USP45: variants seen among roughly 807,000 people sequenced by gnomAD.
USP45 encodes the protein ubiquitin carboxyl-terminal hydrolase 45.
USP45 carries 89 observed loss-of-function variants against 95.8 expected under a neutral mutation model. That is an observed-to-expected ratio of 0.93 (90% CI 0.78 to 1.11). The LOEUF (loss-of-function observed/expected upper bound fraction) is 1.11, where lower values mean the gene tolerates loss of function less well. Ranked by LOEUF, USP45 falls within the 50% of genes least tolerant of loss-of-function variation. The pLI is 0.00. For missense variants in USP45, 898 were observed against 942.5 expected (o/e 0.95, Z 0.62); for synonymous variants, 281 against 316.2 (o/e 0.89, Z 1.18).
At chr6:99,487,178 G>A (rs968234006) in intron 7 of USP45, among the ~76,000 whole-genome samples, 9 of 152,182 alleles carry the variant, frequency 5.9e-5, no homozygotes, top group African/African-American at 1.9e-4. Context: ...GGCAGTTGGT[G>A]GGGGAGACTA....
At chr6:99,503,388 A>G (rs1797814872) in intron 5 of USP45, among the ~76,000 whole-genome samples, 1 of 150,080 alleles carries the variant, frequency 6.7e-6, no homozygotes. Context: ...GTGCAGTGGC[A>G]TGTTCTTGGC....
chr6:99,494,975 A>G (rs1171710389), intron 5 of USP45, among the ~76,000 whole-genome samples: 1 of 152,196 alleles, frequency 6.6e-6, no homozygotes, highest in African/African-American at 2.4e-5. Flanking sequence ...TTTTAGGTGA[A>G]TATCTTTAGA....
At chr6:99,465,681 A>G (rs1327035360) in intron 11 of USP45, among the ~76,000 whole-genome samples, 1 of 152,170 alleles carries the variant, frequency 6.6e-6, no homozygotes, top group Non-Finnish European at 1.5e-5. Flanking sequence ...ATATTTTATA[A>G]TCCTGCTTCT....
At chr6:99,437,156 G>A in intron 17 of USP45, 90 bp downstream of exon 17, 2 of 1,284,752 alleles carry the variant, frequency 1.6e-6, no homozygotes, top group Non-Finnish European at 2.2e-6. Flanking sequence ...ATCCACTAGA[G>A]GCATCTATGA....
At chr6:99,453,493 A>G (rs1046479824) in intron 13 of USP45, among the ~76,000 whole-genome samples, 3 of 152,196 alleles carry the variant, frequency 2.0e-5, no homozygotes, top group Non-Finnish European at 4.4e-5. Flanking sequence ...GAAAACTATA[A>G]AATACTGATG....
chr6:99,511,314 G>A (rs944556981), intron 1 of USP45, among the ~76,000 whole-genome samples: 1 of 151,740 alleles, frequency 6.6e-6, no homozygotes, highest in Non-Finnish European at 1.5e-5. Context: ...ACCAGGCTTG[G>A]CTAATTTTTT....
intron 13 of USP45, among the ~76,000 whole-genome samples, chr6:99,460,553 C>G (rs552705273): frequency 1.9e-4 from 29 of 152,202 alleles, no homozygotes; most frequent in African/African-American, 7.0e-4. Flanking sequence ...CTGTATAATA[C>G]CTTGAGCAAT....
intron 13 of USP45, among the ~76,000 whole-genome samples, chr6:99,455,103 CAAAAAACA>C (rs1784753841): frequency 9.1e-6 from 1 of 109,322 alleles, no homozygotes; most frequent in African/African-American, 3.1e-5. Flanking sequence ...AAAAAAAAAA[CAAAAAACA>C]AAAAAACAAA....
At position 99,446,274 on chromosome 6, in the gene USP45, T is replaced by G; in HGVS notation, c.1498A>C (p.Asn500His). The change falls in exon 14 of 18, where the codon AAT becomes CAT. Residue 500 changes from asparagine (N) to histidine (H), a missense_variant. Coordinates refer to ENST00000500704, the MANE Select transcript of USP45 (RefSeq NM_001346022.3). ...SEKEASHSES[N>H]VDADSEPSES... Reference sequence around the variant, plus strand: ...GAAGGCTCACTGTCAGCATCAACATTGCTTTCAGAATGGCTGGCTTCTTTT... The same window carrying G: ...GAAGGCTCACTGTCAGCATCAACATGGCTTTCAGAATGGCTGGCTTCTTTT... 1.2e-6 allele frequency: 2 copies of G among 1,614,206 alleles called. No individual in the cohort carries two copies.
intron 1 of USP45, chr6:99,514,729 A>C (rs1362939022): frequency 1.3e-5 from 2 of 152,226 alleles, no homozygotes; most frequent in African/African-American, 2.4e-5. Context: ...GAAAGAGAAG[A>C]AAAGGTCACT....
chr6:99,515,841 C>T (rs1192233561), upstream of USP45, among the ~76,000 whole-genome samples: 2 of 129,832 alleles, frequency 1.5e-5, no homozygotes, highest in Non-Finnish European at 3.1e-5. Flanking sequence ...ATGGCAAGAT[C>T]TCGGCTCACT....
intron 16 of USP45, among the ~76,000 whole-genome samples, chr6:99,439,071 T>C (rs1053680068): frequency 2.0e-5 from 3 of 152,220 alleles, no homozygotes; most frequent in African/African-American, 7.2e-5. Context: ...AAAAATTGCA[T>C]TTAAGATGAT....
chr6:99,460,817 C>T (rs954733932), intron 13 of USP45: 2 of 984,086 alleles, frequency 2.0e-6, no homozygotes, highest in Non-Finnish European at 2.4e-6. Flanking sequence ...CATAATAACA[C>T]CTTTTATAAT....
intron 13 of USP45, among the ~76,000 whole-genome samples, chr6:99,452,787 T>A (rs573462247): frequency 8.3e-4 from 126 of 152,232 alleles, no homozygotes; most frequent in African/African-American, 3.0e-3. Context: ...CAAATGTCCA[T>A]CAATGATAGA....
chr6:99,445,065 C>T (rs773567978), intron 14 of USP45, among the ~76,000 whole-genome samples: 97 of 152,164 alleles, frequency 6.4e-4, no homozygotes, highest in Non-Finnish European at 1.1e-3. Context: ...GTAATTATAG[C>T]GCTAGCTTTA....
intron 15 of USP45, among the ~76,000 whole-genome samples, chr6:99,442,474 A>C (rs1336683756): frequency 1.3e-5 from 2 of 152,204 alleles, no homozygotes; most frequent in African/African-American, 4.8e-5. Flanking sequence ...CAAATATGTA[A>C]ACTATCAATA....
At chr6:99,476,012 T>A (rs542406150) in intron 9 of USP45, 131 bp downstream of exon 9, 28 of 684,092 alleles carry the variant, frequency 4.1e-5, no homozygotes, top group Non-Finnish European at 6.2e-5. Context: ...AGACGAGGTT[T>A]CACTATGTTG....
chr6:99,455,457 C>CAAG (rs895180353), intron 13 of USP45, among the ~76,000 whole-genome samples: 19 of 44,900 alleles, frequency 4.2e-4, no homozygotes, highest in Admixed American at 9.1e-4. Flanking sequence ...TCTCAAACAA[C>CAAG]AACAACAACA....
intron 8 of USP45, among the ~76,000 whole-genome samples, chr6:99,481,610 G>A (rs535296071): frequency 2.6e-5 from 4 of 152,162 alleles, no homozygotes; most frequent in South Asian, 4.1e-4. Context: ...GAATGATCCC[G>A]TCACTCAGGT....
Sources: gnomAD v4.1 joint callset for allele counts (sites outside exome capture counted in the v4.1 genomes callset) on GRCh38, gnomAD v4.1.1 for gene constraint, MANE v1.5 for transcripts, NCBI Gene and HGNC (gene_info 2026-07-23, HGNC 2026-07-21) for gene names.